TASP1: variants seen among roughly 807,000 people sequenced by gnomAD.
TASP1 encodes taspase 1.
TASP1 carries 16 observed loss-of-function variants against 56.6 expected under a neutral mutation model. That is an observed-to-expected ratio of 0.28 (90% CI 0.19 to 0.43). The LOEUF (loss-of-function observed/expected upper bound fraction) is 0.43. TASP1 is among the 20% of genes least tolerant of loss of function. The pLI is 1.00. For synonymous variants in TASP1, 179 were observed against 184.2 expected, an observed-to-expected ratio of 0.97 and a Z score of 0.23; for missense variants, 393 against 511.6, an observed-to-expected ratio of 0.77 and a Z score of 2.24.
the TASP1 span, among the ~76,000 whole-genome samples, chr20:13,212,767 T>C: frequency 6.6e-6 from 1 of 152,302 alleles, no homozygotes. Flanking sequence ...CACGCTAAAT[T>C]TGCATTCCAA....
the TASP1 span, among the ~76,000 whole-genome samples, chr20:13,172,249 T>C: frequency 6.6e-6 from 1 of 152,090 alleles, no homozygotes; most frequent in Admixed American, 6.6e-5. Flanking sequence ...ATAAAATTTT[T>C]ACTATCCCAA....
the TASP1 span, among the ~76,000 whole-genome samples, chr20:13,336,412 C>G: frequency 1.3e-5 from 2 of 152,190 alleles, no homozygotes; most frequent in Non-Finnish European, 2.9e-5. Flanking sequence ...TTCTTGGCTA[C>G]CTCCTCCCCT....
intron 11 of TASP1, among the ~76,000 whole-genome samples, chr20:13,467,737 C>T (rs1021325029): frequency 6.6e-6 from 1 of 152,108 alleles, no homozygotes; most frequent in Non-Finnish European, 1.5e-5. Flanking sequence ...ATACACACGG[C>T]CAGGTGCAGT....
the TASP1 span, among the ~76,000 whole-genome samples, chr20:13,114,043 G>A: frequency 6.6e-6 from 1 of 152,160 alleles, no homozygotes; most frequent in African/African-American, 2.4e-5. Flanking sequence ...GGCAGAGCGG[G>A]GATTAAAACC....
chr20:13,626,252 C>G (rs7272156), intron 2 of TASP1, among the ~76,000 whole-genome samples: 20,086 of 152,034 alleles, frequency 0.13, 1,527 homozygotes, highest in East Asian at 0.22. Flanking sequence ...TGGAGAAACC[C>G]CATCTCTCCT....
the TASP1 span, among the ~76,000 whole-genome samples, chr20:13,265,528 T>G: frequency 2.0e-5 from 3 of 152,276 alleles, no homozygotes; most frequent in South Asian, 6.2e-4. Context: ...GAGTACCCTG[T>G]TAATCATCGA....
intron 4 of TASP1, among the ~76,000 whole-genome samples, chr20:13,615,447 C>T (rs1306820660): frequency 6.6e-6 from 1 of 150,872 alleles, no homozygotes; most frequent in Non-Finnish European, 1.5e-5. Context: ...AGGTAATGAA[C>T]ACATGAAAGA....
the TASP1 span, chr20:13,299,270 G>A: frequency 6.8e-6 from 11 of 1,609,768 alleles, no homozygotes; most frequent in African/African-American, 1.3e-5. The surrounding 1 kb of genome is among the most constrained non-coding windows in gnomAD (Gnocchi z 5.8). Context: ...GGGCGGGCAC[G>A]CCCAACCTCA....
intron 6 of TASP1, among the ~76,000 whole-genome samples, chr20:13,578,529 C>A (rs1424881461): frequency 6.6e-6 from 1 of 152,004 alleles, no homozygotes; most frequent in Non-Finnish European, 1.5e-5. Flanking sequence ...TATTTTTTAT[C>A]TTAATATATT....
At chr20:13,502,845 T>C (rs1234663881) in intron 10 of TASP1, among the ~76,000 whole-genome samples, 2 of 152,134 alleles carry the variant, frequency 1.3e-5, no homozygotes, top group African/African-American at 2.4e-5. Context: ...TAGCACACAG[T>C]TGGAGCACAA....
chr20:13,563,127 C>T (rs1371443282), intron 7 of TASP1, among the ~76,000 whole-genome samples: 1 of 150,574 alleles, frequency 6.6e-6, no homozygotes, highest in Non-Finnish European at 1.5e-5. Flanking sequence ...TATATATGTA[C>T]ACACACATAT....
chr20:13,400,264 G>A (rs2041688873), intron 13 of TASP1, among the ~76,000 whole-genome samples: 1 of 152,132 alleles, frequency 6.6e-6, no homozygotes, highest in Non-Finnish European at 1.5e-5. Flanking sequence ...ATGAGATACT[G>A]TGTTTTATCA....
At chr20:13,107,972 G>A in the TASP1 span, among the ~76,000 whole-genome samples, 1 of 151,896 alleles carries the variant, frequency 6.6e-6, no homozygotes, top group Non-Finnish European at 1.5e-5. Context: ...GATGTTAAAG[G>A]AAGTCAAATA....
chr20:13,301,793 T>C, the TASP1 span, among the ~76,000 whole-genome samples: 1 of 152,046 alleles, frequency 6.6e-6, no homozygotes, highest in Non-Finnish European at 1.5e-5. Flanking sequence ...GGCTGGAGAT[T>C]AGTCACATGA....
rs564943718 is a variant in TASP1 at position 13,626,801 on chromosome 20, T to C, written c.146-1549A>G. 2.0e-5 allele frequency among the ~76,000 whole-genome samples: 3 copies of C among 152,116 alleles called. No individual in the cohort carries two copies. In the South Asian group the frequency reaches 6.2e-4, roughly 31 times the overall value. ...TCTTTCAGCAGCATTTCCTAAAGCA[T>C]GGGATACTATTCCAAAAAGATGACT... On this transcript the variant is annotated intron_variant, in intron 2 of 13. Transcript: ENST00000337743.
At chr20:13,167,768 G>A in the TASP1 span, 107 of 152,218 alleles carry the variant, frequency 7.0e-4, no homozygotes, top group African/African-American at 2.5e-3. Flanking sequence ...CATACCCCTA[G>A]GCCCTACACC....
the TASP1 span, among the ~76,000 whole-genome samples, chr20:13,276,600 A>T: frequency 6.6e-6 from 1 of 152,240 alleles, no homozygotes; most frequent in Non-Finnish European, 1.5e-5. Context: ...AGAAAAAAAT[A>T]TACTAAGACA....
the TASP1 span, chr20:13,165,099 TACAC>T: frequency 1.3e-3 from 476 of 374,052 alleles, 3 homozygotes; most frequent in Admixed American, 1.8e-3. Context: ...CTACTAGAAA[TACAC>T]ACACACACAC....
chr20:13,140,879 A>T, the TASP1 span, among the ~76,000 whole-genome samples: 1 of 152,112 alleles, frequency 6.6e-6, no homozygotes, highest in African/African-American at 2.4e-5. Context: ...TATTTCATTT[A>T]CTCTGATTAT....
Sources: gnomAD v4.1 joint callset for allele counts (sites outside exome capture counted in the v4.1 genomes callset) on GRCh38, gnomAD v4.1.1 for gene constraint, Gnocchi (gnomAD v3.1) non-coding constraint, MANE v1.5 for transcripts, NCBI Gene and HGNC (gene_info 2026-07-23, HGNC 2026-07-21) for gene names.